The following PIP5K1A variants were observed in gnomAD, a reference collection of about 807,000 sequenced individuals.
The protein encoded by PIP5K1A is phosphatidylinositol 4-phosphate 5-kinase type-1 alpha.
Under a neutral mutation model 72.9 loss-of-function variants are expected in PIP5K1A, and 46 were observed. That is an observed-to-expected ratio of 0.63 (90% CI 0.50 to 0.81). The LOEUF is 0.81. Ranked by LOEUF, PIP5K1A falls within the 30% of genes least tolerant of loss-of-function variation. The pLI is 0.00. For missense variants in PIP5K1A, 458 were observed against 706.1 expected (o/e 0.65, Z 3.98); for synonymous variants, 228 against 255.1 (o/e 0.89, Z 1.01).
In PIP5K1A at chr1:151,198,843, G is replaced by T. The variant is rs1684789082; in HGVS notation, c.-154G>T. 3 of 725,160 alleles carry T rather than the reference G, an allele frequency of 4.1e-6. No individual in the cohort carries two copies. The highest frequency in any genetic ancestry group is 4.9e-5 in the East Asian group (2 of 40,890). The allele number at this position is 725,160 out of a possible 1,614,324, so 44.9% of individuals were successfully genotyped here. A position where few individuals can be genotyped will look rare whatever the true frequency, so the allele number is the denominator to read the frequency against. The stretch of plus-strand genomic sequence containing the variant: ...GTGGCCTTGAGCTGGTCCAGGAGCC[G>T]GCTCGACGTGTCTGAGGGAGGCCCC... On this transcript the variant is annotated 5_prime_UTR_variant, in exon 1 of 16. Coordinates refer to ENST00000368888, the MANE Select transcript of PIP5K1A (RefSeq NM_001135638.2).
intron 1 of PIP5K1A, among the ~76,000 whole-genome samples, chr1:151,217,388 CTT>C (rs1377610641): frequency 2.0e-5 from 3 of 152,244 alleles, no homozygotes; most frequent in Middle Eastern, 3.4e-3. Context: ...TGTGAACTAA[CTT>C]TACTTAAAAC....
intron 1 of PIP5K1A, among the ~76,000 whole-genome samples, chr1:151,219,503 A>G (rs1400172020): frequency 6.6e-6 from 1 of 151,222 alleles, no homozygotes; most frequent in Non-Finnish European, 1.5e-5. Context: ...CCTGACCAAC[A>G]TGGTGAAACC....
intron 1 of PIP5K1A, among the ~76,000 whole-genome samples, chr1:151,217,900 C>T (rs2102292569): frequency 6.6e-6 from 1 of 152,276 alleles, no homozygotes; most frequent in South Asian, 2.1e-4. Flanking sequence ...CTGCCTCAGA[C>T]TCGCAAGTAG....
rs78155966 is a variant in PIP5K1A, at chr1:151,216,900, G to GTTTTTTTTTT, written c.86-7324_86-7315dup. Among the ~76,000 whole-genome samples, 11 of 136,784 alleles carry GTTTTTTTTTT rather than the reference G, an allele frequency of 8.0e-5. 1 individual carries two copies. The highest frequency in any genetic ancestry group is 2.5e-4 in the African/African-American group (9 of 36,558). The allele number at this position is 136,784 out of a possible 152,430, so 89.7% of individuals were successfully genotyped here. A position where few individuals can be genotyped will look rare whatever the true frequency, so the allele number is the denominator to read the frequency against. ...ACCCAAGGTTACCTACTTAGTAAAT[G>GTTTTTTTTTT]TTTTTTTTTTTTTTTTTTTTTTTTT... On this transcript the variant is annotated intron_variant, in intron 1 of 15. Transcript: ENST00000368888.
In PIP5K1A at chr1:151,224,236, C is replaced by A; in HGVS notation, c.86-9C>A. 2 of 1,547,594 alleles carry A rather than the reference C, an allele frequency of 1.3e-6. No individual in the cohort carries two copies. Among genetic ancestry groups the A allele is most frequent in the Non-Finnish European group, 8.9e-7 (1 of 1,125,144 alleles). Reference sequence around the variant, plus strand: ...TACACTCTTATGATTGTTTTTTTTTCCCCCCTAGCAGCATCTGGAATCAAG... The same window carrying A: ...TACACTCTTATGATTGTTTTTTTTTACCCCCTAGCAGCATCTGGAATCAAG... On this transcript the variant is annotated splice_polypyrimidine_tract_variant and intron_variant, in intron 1 of 15. Coordinates refer to ENST00000368888, the MANE Select transcript of PIP5K1A (RefSeq NM_001135638.2).
chr1:151,243,833 C>T (rs942235698), intron 14 of PIP5K1A, among the ~76,000 whole-genome samples: 1 of 152,084 alleles, frequency 6.6e-6, no homozygotes, highest in Admixed American at 6.6e-5. Flanking sequence ...GGGATTTACT[C>T]CATTAGACAA....
chr1:151,217,613 G>C lies in PIP5K1A; in HGVS notation c.86-6632G>C, dbSNP rs964180725. Among the ~76,000 whole-genome samples, 4 of 152,178 alleles carry C rather than the reference G, an allele frequency of 2.6e-5. No homozygotes were observed. In the South Asian group the frequency reaches 8.3e-4, roughly 32 times the overall value. On this transcript the variant is annotated intron_variant, in intron 1 of 15. Transcript: ENST00000368888. ...TTTATGTATTTTGAGACAGGGTCTT[G>C]TTCTGTCACCCAAGCTGGAGTGCAG...
intron 7 of PIP5K1A, 139 bp from the exon 8 acceptor site, chr1:151,234,058 A>G (rs1377170486): frequency 3.0e-6 from 2 of 660,036 alleles, no homozygotes; most frequent in South Asian, 1.9e-5. Flanking sequence ...TAAAGCATAT[A>G]TGATGTAGGT....
intron 1 of PIP5K1A, among the ~76,000 whole-genome samples, chr1:151,214,352 G>A (rs1687276379): frequency 6.6e-6 from 1 of 151,632 alleles, no homozygotes; most frequent in African/African-American, 2.4e-5. Context: ...TTTTTGCTTT[G>A]TTTTTTTCTG....
At chr1:151,224,948 A>T (rs1254362710) in intron 3 of PIP5K1A, among the ~76,000 whole-genome samples, 1 of 152,132 alleles carries the variant, frequency 6.6e-6, no homozygotes, top group African/African-American at 2.4e-5. Context: ...TTCTCTCAGA[A>T]CATCTTCCAG....
chr1:151,206,357 ATTC>A (rs1685926523), intron 1 of PIP5K1A, among the ~76,000 whole-genome samples: 1 of 152,132 alleles, frequency 6.6e-6, no homozygotes. Context: ...AGTTCAGCAT[ATTC>A]TTATTATTTA....
At chr1:151,208,361 C>CTTTT (rs11340275) in intron 1 of PIP5K1A, among the ~76,000 whole-genome samples, 1 of 125,986 alleles carries the variant, frequency 7.9e-6, no homozygotes, top group African/African-American at 3.0e-5. Flanking sequence ...GTTTTCTTTT[C>CTTTT]TTTTTTTTTT....
Position 151,232,643 on chromosome 1 carries a change from T to C in PIP5K1A, c.579T>C (p.Ile193=). The C allele has an allele frequency of 6.2e-7, 1 of 1,613,618 alleles. No homozygotes were observed. Among genetic ancestry groups the C allele is most frequent in the Non-Finnish European group, 8.5e-7 (1 of 1,179,750 alleles). ...FYVSSDDEFI[I]KTVQHKEAEF... ...TGTCCAGCGACGATGAGTTCATTAT[T>C]AAGACAGTCCAACATAAAGAGGCGG... Residue 193 remains isoleucine (I), a synonymous_variant, in exon 7 of 16, where the codon ATT becomes ATC. Transcript: ENST00000368888.
intron 7 of PIP5K1A, among the ~76,000 whole-genome samples, chr1:151,233,048 C>T (rs1260641737): frequency 1.4e-5 from 2 of 144,840 alleles, no homozygotes; most frequent in Admixed American, 1.4e-4. Context: ...TGCAGTGAGC[C>T]GAGATCCTGC....
intron 5 of PIP5K1A, 36 bp from the exon 6 acceptor site, chr1:151,232,212 C>A: frequency 7.3e-7 from 1 of 1,371,158 alleles, no homozygotes; most frequent in Non-Finnish European, 1.0e-6. Context: ...ATGATAGGGA[C>A]TGGCAAGTTA....
intron 8 of PIP5K1A, among the ~76,000 whole-genome samples, chr1:151,234,837 C>T (rs1690628671): frequency 6.6e-6 from 1 of 152,216 alleles, no homozygotes; most frequent in Non-Finnish European, 1.5e-5. Flanking sequence ...AAGAATATTA[C>T]ACAACCGTGT....
chr1:151,227,271 T>G, intron 3 of PIP5K1A, 49 bp from the exon 4 acceptor site: 1 of 1,066,424 alleles, frequency 9.4e-7, no homozygotes, highest in Non-Finnish European at 1.5e-6. Context: ...GTGGTAGCTA[T>G]TTGGTGTCTT....
In PIP5K1A at chr1:151,242,480, C is replaced by G. The variant is rs1379650562; in HGVS notation, c.1553C>G (p.Pro518Arg). The change falls in exon 14 of 16, where the codon CCT (proline) becomes CGT (arginine). Residue 518 changes from proline (P) to arginine (R), a missense_variant. Around this residue, in one of 3 missense-constraint regions of PIP5K1A, gnomAD observed 157 missense variants for 175.5 expected, o/e 0.89. Coordinates refer to ENST00000368888, the MANE Select transcript of PIP5K1A (RefSeq NM_001135638.2). ...CCTGATGTTTTACCTCAGACTCCAC[C>G]TTTGGAGGAAATCAGTGAGGGCTCG... is the stretch of plus-strand genomic sequence containing the variant. ...GRPDVLPQTP[P>R]LEEISEGSPI... 6.2e-7 allele frequency: 1 copy of G among 1,613,926 alleles called. No individual in the cohort carries two copies. Among genetic ancestry groups the G allele is most frequent in the South Asian group, 1.1e-5 (1 of 91,072 alleles).
chr1:151,248,002 CTCCTCCATCTTCT>C lies in PIP5K1A; in HGVS notation c.*142_*154del. 1 of 751,148 alleles carries C rather than the reference CTCCTCCATCTTCT, an allele frequency of 1.3e-6. No homozygotes were observed. Among genetic ancestry groups the C allele is most frequent in the South Asian group, 1.5e-5 (1 of 67,970 alleles). 46.5% of individuals were successfully genotyped at this position (751,148 alleles called of 1,614,324 possible). A position where few individuals can be genotyped will look rare whatever the true frequency, so the allele number is the denominator to read the frequency against. On this transcript the variant is annotated 3_prime_UTR_variant, in exon 16 of 16. Coordinates refer to ENST00000368888, the MANE Select transcript of PIP5K1A (RefSeq NM_001135638.2). ...AGTGTAATAGAAGTGAGGGGAGCTGCTCCTCCATCTTCTTCCTGAAGAAGAACCTTCTCTCCTT... is the reference window on the plus strand; with the variant it reads ...AGTGTAATAGAAGTGAGGGGAGCTGCTCCTGAAGAAGAACCTTCTCTCCTT...
Sources: allele counts gnomAD v4.1 joint callset (sites outside exome capture counted in the v4.1 genomes callset), GRCh38; gene constraint gnomAD v4.1.1; regional missense constraint gnomAD v4.1.1; transcripts MANE v1.5; gene names NCBI Gene and HGNC (gene_info 2026-07-23, HGNC 2026-07-21).